VPS26C: variants seen among roughly 807,000 people sequenced by gnomAD.
VPS26C encodes VPS26 endosomal protein sorting factor C, also known as vacuolar protein sorting-associated protein 26C.
Under a neutral mutation model 30.6 loss-of-function variants are expected in VPS26C, and 19 were observed. The ratio of observed to expected loss-of-function variants is 0.62; its 90% confidence interval spans 0.43 to 0.91. The LOEUF is 0.91. Ranked by LOEUF, VPS26C falls within the 40% of genes least tolerant of loss-of-function variation. The pLI, the probability that VPS26C is intolerant of heterozygous loss-of-function variation, is 0.00. For missense variants in VPS26C, 318 were observed against 385.1 expected (o/e 0.83, Z 1.46); for synonymous variants, 132 against 151.5 (o/e 0.87, Z 0.95).
rs2085899334 is a variant in VPS26C, at chr21:37,226,344, A to G, written c.812-718T>C. ...AGCTCAGCTGTGGAAGGGGCCTTGG[A>G]GTCAGTGCCCACCTGTGGCTGGGGT... is the stretch of plus-strand genomic sequence containing the variant. On this transcript the variant is annotated intron_variant, in intron 7 of 7. Transcript: ENST00000309117. The surrounding 1 kb of genome is among the most constrained non-coding windows in gnomAD (Gnocchi z 4.1). 6.6e-6 allele frequency: 1 copy of G among 152,354 alleles called. No homozygotes were observed. Among genetic ancestry groups the G allele is most frequent in the South Asian group, 2.1e-4 (1 of 4,832 alleles). 9.4% of individuals were successfully genotyped at this position (152,354 alleles called of 1,614,324 possible).
Position 37,238,384 on chromosome 21 carries a change from A to C in VPS26C, c.351+76T>G. 3 of 1,532,464 alleles carry C rather than the reference A, an allele frequency of 2.0e-6. No homozygotes were observed. In the African/African-American group the frequency reaches 4.1e-5, roughly 21 times the overall value. 94.9% of individuals were successfully genotyped at this position (1,532,464 alleles called of 1,614,324 possible). A position where few individuals can be genotyped will look rare whatever the true frequency, so the allele number is the denominator to read the frequency against. The stretch of plus-strand genomic sequence containing the variant: ...ATTAAATTCTTGGGCCCGTCTACTA[A>C]CGTTGAGAGAAAGACCACACCGTTT... On this transcript the variant is annotated intron_variant, in intron 3 of 7. Coordinates refer to ENST00000309117, the MANE Select transcript of VPS26C (RefSeq NM_006052.2).
In VPS26C at chr21:37,257,081, G is replaced by A. The variant is rs1013115668; in HGVS notation, c.57+10157C>T. On this transcript the variant is annotated intron_variant, in intron 1 of 7. Coordinates refer to ENST00000309117, the MANE Select transcript of VPS26C (RefSeq NM_006052.2). The surrounding 1 kb of genome is among the most constrained non-coding windows in gnomAD (Gnocchi z 4.2). ...TGGGAGGTGGAGGCTGCAGTGAGCT[G>A]AGACTGTACCACTGCACTCCAGCCT... 1.3e-5 allele frequency among the ~76,000 whole-genome samples: 2 copies of A among 152,116 alleles called. No individual in the cohort carries two copies. The highest frequency in any genetic ancestry group is 4.8e-5 in the African/African-American group (2 of 41,398).
At position 37,225,631 on chromosome 21, in the gene VPS26C, G is replaced by A. The variant is rs79608158; in HGVS notation, c.812-5C>T. ...CCACGATGTTAACCTCAAATTCTGA[G>A]AAGAGAAGAGAGGGTGGGTTTGTGC... On this transcript the variant is annotated splice_region_variant and splice_polypyrimidine_tract_variant and intron_variant, in intron 7 of 7. Transcript: ENST00000309117. 650 of 1,612,416 alleles carry A rather than the reference G, an allele frequency of 4.0e-4. 5 individuals carry two copies. The East Asian group carries it at 0.014, about 35-fold the overall frequency.
Position 37,238,564 on chromosome 21 carries a change from T to G in VPS26C, c.247A>C (p.Lys83Gln). ...NSTIEMVKPG[K>Q]FPSGKTEIPF... Reference sequence around the variant, plus strand: ...ATTTCTGTTTTGCCGCTGGGAAATTTCCCCGGCTTCACCATTTCTATGGTG... The same window carrying G: ...ATTTCTGTTTTGCCGCTGGGAAATTGCCCCGGCTTCACCATTTCTATGGTG... The change falls in exon 3 of 8, where the codon AAA becomes CAA. Residue 83 changes from lysine (K) to glutamine (Q), a missense_variant. By Grantham distance (53) the Lys-to-Gln change is moderately conservative. Coordinates refer to ENST00000309117, the MANE Select transcript of VPS26C (RefSeq NM_006052.2). 1 of 1,614,214 alleles carries G rather than the reference T, an allele frequency of 6.2e-7. No homozygotes were observed. Among genetic ancestry groups the G allele is most frequent in the South Asian group, 1.1e-5 (1 of 91,084 alleles).
At position 37,225,402 on chromosome 21, in the gene VPS26C, A is replaced by G; in HGVS notation, c.*142T>C. 1 of 700,134 alleles carries G rather than the reference A, an allele frequency of 1.4e-6. No individual in the cohort carries two copies. Among genetic ancestry groups the G allele is most frequent in the Non-Finnish European group, 2.5e-6 (1 of 402,356 alleles). 43.4% of individuals were successfully genotyped at this position (700,134 alleles called of 1,614,324 possible). ...CCTCAAGAAATGAGGAAGGAAAGTT[A>G]ATTTGAGGGTCTGTTTCATTTCTGA... On this transcript the variant is annotated 3_prime_UTR_variant, in exon 8 of 8. Transcript: ENST00000309117.
chr21:37,254,502 CAAGT>C (rs964941779), intron 1 of VPS26C, among the ~76,000 whole-genome samples: 5 of 151,866 alleles, frequency 3.3e-5, no homozygotes, highest in African/African-American at 7.3e-5. Context: ...ATCTCTAAAA[CAAGT>C]AAGTAAAGAA....
intron 1 of VPS26C, chr21:37,267,020 C>T (rs1244751285): frequency 1.7e-6 from 1 of 578,382 alleles, no homozygotes; most frequent in Non-Finnish European, 3.1e-6. Context: ...GCGGCGGCGG[C>T]GCCTGCCCTG....
chr21:37,235,644 G>T lies in VPS26C; in HGVS notation c.352-2202C>A, dbSNP rs548719580. On this transcript the variant is annotated intron_variant, in intron 3 of 7. Transcript: ENST00000309117. ...CCTACAATTTAAATTATTGTAAAAA[G>T]AAGAAGTAGATGCACAAAGGGCAAC... 2.3e-4 allele frequency among the ~76,000 whole-genome samples: 35 copies of T among 151,930 alleles called. No individual in the cohort carries two copies. In the South Asian group the frequency reaches 2.7e-3, roughly 12 times the overall value.
chr21:37,250,515 C>T (rs1013172847), intron 1 of VPS26C, among the ~76,000 whole-genome samples: 1 of 152,080 alleles, frequency 6.6e-6, no homozygotes, highest in Admixed American at 6.5e-5. Flanking sequence ...AACAATACCA[C>T]TATATAAATG....
At chr21:37,227,139 T>G (rs2027601) in intron 7 of VPS26C, 121,478 of 153,138 alleles carry the variant, frequency 0.79, 48,648 homozygotes, top group East Asian at 0.99. Context: ...CCTTCCTGCT[T>G]CTGAGCGCTC....
chr21:37,233,560 G>C lies in VPS26C; in HGVS notation c.352-118C>G. On this transcript the variant is annotated intron_variant, in intron 3 of 7. Transcript: ENST00000309117. This position sits in a 1 kb window ranked among gnomAD's most constrained non-coding sequence, Gnocchi z 5.2. ...TTTAGGGAAATGTTGTACAATCAGTGCATTATAGAAAATTAACATACATAA... is the reference window on the plus strand; with the variant it reads ...TTTAGGGAAATGTTGTACAATCAGTCCATTATAGAAAATTAACATACATAA... 1 of 695,656 alleles carries C rather than the reference G, an allele frequency of 1.4e-6. No homozygotes were observed. The highest frequency in any genetic ancestry group is 2.4e-5 in the Admixed American group (1 of 42,348). The allele number at this position is 695,656 out of a possible 1,614,324, so 43.1% of individuals were successfully genotyped here.
chr21:37,235,478 C>T (rs964679633), intron 3 of VPS26C, among the ~76,000 whole-genome samples: 1 of 152,152 alleles, frequency 6.6e-6, no homozygotes, highest in Non-Finnish European at 1.5e-5. Context: ...GAATTTTTAA[C>T]TTTGAAAAGG....
chr21:37,268,039 C>T (rs2086390035), upstream of VPS26C: 1 of 152,290 alleles, frequency 6.6e-6, no homozygotes, highest in African/African-American at 2.4e-5. Flanking sequence ...GGGCCAAGGT[C>T]TCGGGAAGCG....
chr21:37,256,203 G>A (rs2086241753), intron 1 of VPS26C, among the ~76,000 whole-genome samples: 1 of 152,102 alleles, frequency 6.6e-6, no homozygotes, highest in African/African-American at 2.4e-5. Context: ...AAATTAAATG[G>A]GTTGGCATGA....
chr21:37,240,615 T>G lies in VPS26C; in HGVS notation c.82A>C (p.Ile28Leu). 1 of 1,614,134 alleles carries G rather than the reference T, an allele frequency of 6.2e-7. No individual in the cohort carries two copies. The highest frequency in any genetic ancestry group is 8.5e-7 in the Non-Finnish European group (1 of 1,180,000). ...TGTTGGACTGAATCCTTACTCGATA[T>G]GACCACCACGCCAGAGAGCACTTCC... ...AGEVLSGVVV[I>L]SSKDSVQHQG... is the part of the protein sequence containing the mutation. The change falls in exon 2 of 8, where the codon ATA becomes CTA. Residue 28 changes from isoleucine (I) to leucine (L), a missense_variant. Coordinates refer to ENST00000309117, the MANE Select transcript of VPS26C (RefSeq NM_006052.2).
chr21:37,232,970 C>T (rs1482095509), intron 4 of VPS26C, among the ~76,000 whole-genome samples: 3 of 152,166 alleles, frequency 2.0e-5, no homozygotes, highest in Non-Finnish European at 4.4e-5. Flanking sequence ...ACCAAAACAG[C>T]AGTAACAGTG....
In VPS26C at chr21:37,224,260, A is replaced by C. The variant is rs1035104796; in HGVS notation, c.*1284T>G. On this transcript the variant is annotated 3_prime_UTR_variant, in exon 8 of 8. Coordinates refer to ENST00000309117, the MANE Select transcript of VPS26C (RefSeq NM_006052.2). The stretch of plus-strand genomic sequence containing the variant: ...TATATTCTGGGAAACTGCTGGGCAC[A>C]GTGGCTCACACCTGTAATCTCAGCA... 1.3e-5 allele frequency: 2 copies of C among 152,358 alleles called. No homozygotes were observed. Among genetic ancestry groups the C allele is most frequent in the Non-Finnish European group, 2.9e-5 (2 of 68,128 alleles). The allele number at this position is 152,358 out of a possible 1,614,324, so 9.4% of individuals were successfully genotyped here. A position where few individuals can be genotyped will look rare whatever the true frequency, so the allele number is the denominator to read the frequency against.
chr21:37,262,573 G>A lies in VPS26C; in HGVS notation c.57+4665C>T, dbSNP rs1374700114. Reference sequence around the variant, plus strand: ...TGATTAAATAATATAAAAAAGAATGGGACTGATGAAAATGTTAATATGAAA... The same window carrying A: ...TGATTAAATAATATAAAAAAGAATGAGACTGATGAAAATGTTAATATGAAA... On this transcript the variant is annotated intron_variant, in intron 1 of 7. Transcript: ENST00000309117. Among the ~76,000 whole-genome samples, 9 of 152,076 alleles carry A rather than the reference G, an allele frequency of 5.9e-5. 1 individual carries two copies. The South Asian group carries it at 1.7e-3, about 28-fold the overall frequency.
chr21:37,233,453 G>C lies in VPS26C; in HGVS notation c.352-11C>G. 1 of 1,608,744 alleles carries C rather than the reference G, an allele frequency of 6.2e-7. No individual in the cohort carries two copies. Among genetic ancestry groups the C allele is most frequent in the East Asian group, 2.2e-5 (1 of 44,788 alleles). On this transcript the variant is annotated splice_polypyrimidine_tract_variant and intron_variant, in intron 3 of 7. Transcript: ENST00000309117. The surrounding 1 kb of genome is among the most constrained non-coding windows in gnomAD (Gnocchi z 5.2). ...ACAGCGCAGTGTATACTAAAGGGGA[G>C]AGTTGGAGGAAAAAAGTTCATTTTA... is the stretch of plus-strand genomic sequence containing the variant.
Sources: allele counts gnomAD v4.1 joint callset (sites outside exome capture counted in the v4.1 genomes callset), GRCh38; gene constraint gnomAD v4.1.1; non-coding constraint Gnocchi (gnomAD v3.1); transcripts MANE v1.5; gene names NCBI Gene and HGNC (gene_info 2026-07-23, HGNC 2026-07-21).